CNTN4: variants seen among roughly 807,000 people sequenced by gnomAD.
CNTN4 encodes contactin-4.
Under a neutral mutation model 122.5 loss-of-function variants are expected in CNTN4, and 77 were observed. That is an observed-to-expected ratio of 0.63 (90% confidence interval 0.52 to 0.76). The LOEUF (loss-of-function observed/expected upper bound fraction) is 0.76. Among genes scored for constraint, CNTN4 ranks in the 30% least tolerant of loss-of-function variants. The probability of loss-of-function intolerance (pLI) is 0.00; values close to 1 mark genes in which losing one functional copy is unlikely to be tolerated. For missense variants in CNTN4, 1,256 were observed against 1,259.1 expected (o/e 1.00, Z 0.04); for synonymous variants, 512 against 447.0 (o/e 1.15, Z -1.83).
At chr3:2,553,716 CTT>C (rs2078607005) in intron 3 of CNTN4, among the ~76,000 whole-genome samples, 1 of 152,234 alleles carries the variant, frequency 6.6e-6, no homozygotes, top group African/African-American at 2.4e-5. Context: ...TTCAAACTAA[CTT>C]TGCTGAATTA....
At chr3:2,749,938 G>A (rs144158728) in intron 6 of CNTN4, among the ~76,000 whole-genome samples, 59 of 152,104 alleles carry the variant, frequency 3.9e-4, no homozygotes, top group Non-Finnish European at 6.6e-4. Flanking sequence ...TTGACTCCAC[G>A]TATTGTCATA....
chr3:2,758,923 CA>C (rs1346546496), intron 6 of CNTN4, among the ~76,000 whole-genome samples: 1 of 152,094 alleles, frequency 6.6e-6, no homozygotes, highest in South Asian at 2.1e-4. Context: ...GTACAACTGT[CA>C]CCACTGTCTA....
At chr3:2,173,180 T>C (rs2036592257) in intron 2 of CNTN4, among the ~76,000 whole-genome samples, 1 of 152,202 alleles carries the variant, frequency 6.6e-6, no homozygotes. Context: ...TCAAATATGA[T>C]TTTGATGGGC....
At chr3:3,053,604 C>G (rs1264430729) in intron 23 of CNTN4, among the ~76,000 whole-genome samples, 1 of 152,134 alleles carries the variant, frequency 6.6e-6, no homozygotes, top group Non-Finnish European at 1.5e-5. Flanking sequence ...GATATAATAT[C>G]CTTTCAGCTC....
intron 3 of CNTN4, among the ~76,000 whole-genome samples, chr3:2,350,583 T>C (rs896998497): frequency 1.6e-3 from 95 of 58,122 alleles, no homozygotes; most frequent in Non-Finnish European, 3.4e-3. Flanking sequence ...AAAAATAGAG[T>C]AGAATTCTAG....
chr3:2,142,837 C>G (rs1026212222), intron 2 of CNTN4, among the ~76,000 whole-genome samples: 2 of 152,184 alleles, frequency 1.3e-5, no homozygotes, highest in Admixed American at 6.5e-5. Flanking sequence ...AATGTGAGAT[C>G]TTGAGAGAGA....
At chr3:2,154,905 C>G (rs2035653164) in intron 2 of CNTN4, among the ~76,000 whole-genome samples, 2 of 152,140 alleles carry the variant, frequency 1.3e-5, no homozygotes, top group South Asian at 4.1e-4. Flanking sequence ...TGGGCCTGCC[C>G]AGAGAAAAAA....
At chr3:3,014,047 T>TACACACACACACAC (rs10546128) in intron 14 of CNTN4, among the ~76,000 whole-genome samples, 7 of 146,412 alleles carry the variant, frequency 4.8e-5, no homozygotes, top group East Asian at 2.0e-4. Context: ...CATTTAAATG[T>TACACACACACACAC]ACACACACAC....
chr3:2,121,586 G>T (rs903939878), intron 2 of CNTN4, among the ~76,000 whole-genome samples: 1 of 152,038 alleles, frequency 6.6e-6, no homozygotes, highest in Non-Finnish European at 1.5e-5. Context: ...TAGAACTTGT[G>T]CTGTATTTGG....
At chr3:2,877,472 G>A (rs2093857924) in intron 8 of CNTN4, among the ~76,000 whole-genome samples, 1 of 152,184 alleles carries the variant, frequency 6.6e-6, no homozygotes, top group African/African-American at 2.4e-5. Flanking sequence ...ATAAAATTAT[G>A]TTAGGTGTTT....
At chr3:2,559,455 G>A (rs769268059) in intron 3 of CNTN4, among the ~76,000 whole-genome samples, 8 of 151,914 alleles carry the variant, frequency 5.3e-5, no homozygotes, top group Non-Finnish European at 7.4e-5. Context: ...TCCAAGCCCC[G>A]CTTTCCTCTT....
rs908271839 is a variant in CNTN4 at position 2,144,921 on chromosome 3, G to A, written c.-145+44282G>A. Among the ~76,000 whole-genome samples the A allele has an allele frequency of 2.6e-5, 4 of 152,132 alleles. No individual in the cohort carries two copies. The East Asian group carries it at 7.7e-4, about 29-fold the overall frequency. Reference sequence around the variant, plus strand: ...TACATAAACAGGAATACACGAGCAGGGAAGATCAGATCAGTTACCACAATA... The same window carrying A: ...TACATAAACAGGAATACACGAGCAGAGAAGATCAGATCAGTTACCACAATA... On this transcript the variant is annotated intron_variant, in intron 2 of 24. Coordinates refer to ENST00000418658, the MANE Select transcript of CNTN4 (RefSeq NM_175607.3).
intron 4 of CNTN4, among the ~76,000 whole-genome samples, chr3:2,605,105 C>T (rs557678404): frequency 7.2e-5 from 11 of 152,166 alleles, no homozygotes; most frequent in Non-Finnish European, 1.2e-4. Context: ...CTGCTGAGCT[C>T]AAGTGATCCT....
chr3:2,614,908 T>A (rs976974919), intron 4 of CNTN4, among the ~76,000 whole-genome samples: 2 of 152,126 alleles, frequency 1.3e-5, no homozygotes, highest in South Asian at 2.1e-4. Flanking sequence ...CCACAGAGCC[T>A]TCTAAAGTAT....
chr3:3,021,047 G>A (rs1381312453), intron 14 of CNTN4, among the ~76,000 whole-genome samples: 1 of 152,142 alleles, frequency 6.6e-6, no homozygotes, highest in African/African-American at 2.4e-5. Flanking sequence ...CAGACTCCAT[G>A]AGCACTGAAA....
At chr3:2,295,691 A>G (rs1031199087) in intron 2 of CNTN4, among the ~76,000 whole-genome samples, 3 of 151,958 alleles carry the variant, frequency 2.0e-5, no homozygotes, top group East Asian at 3.9e-4. Context: ...ATTAGATCCC[A>G]TTTGTCAGTT....
chr3:2,423,374 C>T (rs570226879), intron 3 of CNTN4, among the ~76,000 whole-genome samples: 1 of 152,236 alleles, frequency 6.6e-6, no homozygotes, highest in Admixed American at 6.5e-5. Flanking sequence ...TTTTGTGTAC[C>T]TGTCAGTTTA....
At chr3:2,477,827 C>A (rs1398767773) in intron 3 of CNTN4, among the ~76,000 whole-genome samples, 4 of 152,216 alleles carry the variant, frequency 2.6e-5, no homozygotes, top group African/African-American at 9.6e-5. Context: ...TGCGAAAATG[C>A]TGAGGTATTG....
chr3:2,798,355 A>G (rs563461976), intron 6 of CNTN4, among the ~76,000 whole-genome samples: 8 of 151,624 alleles, frequency 5.3e-5, no homozygotes, highest in African/African-American at 1.7e-4. Flanking sequence ...TACTATATCT[A>G]TACACACATA....
Sources: gnomAD v4.1 joint callset for allele counts (sites outside exome capture counted in the v4.1 genomes callset) on GRCh38, gnomAD v4.1.1 for gene constraint, MANE v1.5 for transcripts, NCBI Gene and HGNC (gene_info 2026-07-23, HGNC 2026-07-21) for gene names.